SPAG17: variants seen among roughly 807,000 people sequenced by gnomAD.
The protein encoded by SPAG17 is sperm-associated antigen 17.
A neutral mutation model predicts 273.6 loss-of-function variants in SPAG17; 169 were observed. The ratio of observed to expected loss-of-function variants is 0.62; its 90% confidence interval spans 0.55 to 0.70. The LOEUF (loss-of-function observed/expected upper bound fraction) is 0.70. SPAG17 is among the 30% of genes least tolerant of loss of function. The pLI, the probability that SPAG17 is intolerant of heterozygous loss-of-function variation, is 0.00. For synonymous variants in SPAG17, 825 were observed against 873.2 expected, an observed-to-expected ratio of 0.94 and a Z score of 0.97; for missense variants, 2,557 against 2,627.8, an observed-to-expected ratio of 0.97 and a Z score of 0.59.
chr1:117,960,421 A>G (rs1392476338), intron 48 of SPAG17: 2 of 152,220 alleles, frequency 1.3e-5, no homozygotes, highest in African/African-American at 4.8e-5. Flanking sequence ...TGTGTTTATC[A>G]ATACTATAAG....
intron 27 of SPAG17, among the ~76,000 whole-genome samples, chr1:118,023,785 T>C (rs965608119): frequency 6.6e-6 from 1 of 152,206 alleles, no homozygotes; most frequent in African/African-American, 2.4e-5. Flanking sequence ...TCCTTTGCGA[T>C]TGGGAAATTA....
intron 3 of SPAG17, among the ~76,000 whole-genome samples, chr1:118,135,762 C>G (rs1165141408): frequency 6.6e-6 from 1 of 152,138 alleles, no homozygotes; most frequent in Non-Finnish European, 1.5e-5. Flanking sequence ...CACAGTGCAA[C>G]TGGAAATTTT....
At chr1:118,119,208 C>T (rs1425034426) in intron 3 of SPAG17, among the ~76,000 whole-genome samples, 1 of 152,210 alleles carries the variant, frequency 6.6e-6, no homozygotes, top group African/African-American at 2.4e-5. Context: ...AATGGACTCC[C>T]ATGAAGCCTG....
chr1:118,017,169 A>C (rs1660056522), intron 28 of SPAG17, among the ~76,000 whole-genome samples: 1 of 152,208 alleles, frequency 6.6e-6, no homozygotes, highest in African/African-American at 2.4e-5. Flanking sequence ...TTATACTTCT[A>C]GAATATTAGT....
intron 12 of SPAG17, among the ~76,000 whole-genome samples, chr1:118,086,426 GTGGTGGTAACAA>G (rs1436071253): frequency 6.6e-6 from 1 of 152,144 alleles, no homozygotes; most frequent in Admixed American, 6.5e-5. Context: ...TGAAAATTTA[GTGGTGGTAACAA>G]TTAATTGAAT....
At chr1:118,070,853 G>A (rs926064400) in intron 17 of SPAG17, among the ~76,000 whole-genome samples, 2 of 152,066 alleles carry the variant, frequency 1.3e-5, no homozygotes, top group Non-Finnish European at 2.9e-5. Flanking sequence ...ATCTCAATTT[G>A]GTCTAGATTC....
At chr1:117,966,879 C>G in intron 46 of SPAG17, 126 bp from the exon 47 acceptor site, 2 of 725,584 alleles carry the variant, frequency 2.8e-6, no homozygotes, top group Admixed American at 3.5e-5. Flanking sequence ...AAATTTGGCA[C>G]TAACAAATGG....
intron 4 of SPAG17, among the ~76,000 whole-genome samples, chr1:118,106,284 C>G (rs1438856908): frequency 6.6e-6 from 1 of 152,166 alleles, no homozygotes; most frequent in African/African-American, 2.4e-5. Context: ...TCCAAATATT[C>G]TATCTCGTCA....
chr1:117,995,893 A>G (rs943686267), intron 34 of SPAG17, among the ~76,000 whole-genome samples: 11 of 152,134 alleles, frequency 7.2e-5, no homozygotes, highest in Non-Finnish European at 1.3e-4. Context: ...TGATGAAAAC[A>G]ATGTAAGTAC....
intron 48 of SPAG17, chr1:117,959,610 C>A: frequency 1.5e-6 from 1 of 679,336 alleles, no homozygotes. Context: ...GGAATTCCAA[C>A]ATGAGATTAT....
chr1:118,158,766 T>C (rs114246038), intron 1 of SPAG17, among the ~76,000 whole-genome samples: 1 of 152,302 alleles, frequency 6.6e-6, no homozygotes, highest in African/African-American at 2.4e-5. Context: ...GATATATATA[T>C]ACACACCCAG....
At position 117,991,499 on chromosome 1, in the gene SPAG17, T is replaced by G; in HGVS notation, c.5391A>C (p.Glu1797Asp). The change falls in exon 37 of 49, where the codon GAA becomes GAC. Residue 1797 changes from glutamate (E) to aspartate (D), a missense_variant. Coordinates refer to ENST00000336338, the MANE Select transcript of SPAG17 (RefSeq NM_206996.4). ...KDYINYILKKEDELQEMMVKD... is the reference protein window; with the variant it reads ...KDYINYILKKDDELQEMMVKD... ...TAACCATCATTTCCTGCAGCTCATC[T>G]TCTTTCTTTAGAATATAGTTTATGT... The G allele has an allele frequency of 6.2e-7, 1 of 1,611,362 alleles. No individual in the cohort carries two copies. The highest frequency in any genetic ancestry group is 8.5e-7 in the Non-Finnish European group (1 of 1,177,912).
intron 1 of SPAG17, among the ~76,000 whole-genome samples, chr1:118,173,939 G>C (rs1316983042): frequency 6.6e-6 from 1 of 150,412 alleles, no homozygotes; most frequent in African/African-American, 2.5e-5. Context: ...AAGATTTTAA[G>C]CCTTTATCCT....
intron 1 of SPAG17, among the ~76,000 whole-genome samples, chr1:118,154,965 G>A (rs1659575219): frequency 6.6e-6 from 1 of 152,168 alleles, no homozygotes; most frequent in Admixed American, 6.5e-5. Flanking sequence ...ATCCAATGGT[G>A]AAGGAAGAGG....
chr1:118,059,167 A>C (rs2102017836), intron 18 of SPAG17, among the ~76,000 whole-genome samples: 1 of 152,262 alleles, frequency 6.6e-6, no homozygotes. Flanking sequence ...AGAATTGAAA[A>C]AGTTACAGAC....
At chr1:118,085,867 C>CAT in intron 13 of SPAG17, 55 bp downstream of exon 13, 1 of 1,482,128 alleles carries the variant, frequency 6.7e-7, no homozygotes, top group Non-Finnish European at 9.1e-7. Flanking sequence ...TTTTAAGAGG[C>CAT]ATATATGACC....
chr1:118,087,143 A>C, intron 10 of SPAG17, 135 bp from the exon 11 acceptor site: 1 of 910,598 alleles, frequency 1.1e-6, no homozygotes, highest in Non-Finnish European at 1.5e-6. Flanking sequence ...ATGACACAAA[A>C]TGGCAGGAAA....
chr1:118,087,567 C>T (rs1160301063), intron 10 of SPAG17, among the ~76,000 whole-genome samples: 1 of 152,194 alleles, frequency 6.6e-6, no homozygotes, highest in African/African-American at 2.4e-5. Flanking sequence ...GCCCAATCCT[C>T]ATTCTTTCTT....
chr1:118,005,459 T>C lies in SPAG17; in HGVS notation c.4731A>G (p.Ser1577=). 6.2e-7 allele frequency: 1 copy of C among 1,613,522 alleles called. No individual in the cohort carries two copies. The highest frequency in any genetic ancestry group is 1.3e-5 in the African/African-American group (1 of 75,036). Residue 1577 remains serine (S), a synonymous_variant, in exon 32 of 49, where the codon TCA becomes TCG. Transcript: ENST00000336338. ...RAGRYIMRHT[S]EVICEVLDPE... is the part of the protein sequence containing the mutation. ...GATCCAGAACCTCACAGATAACCTC[T>C]GAAGTATGCCTCATGATGTACCTGC...
Sources: gnomAD v4.1 joint callset for allele counts (sites outside exome capture counted in the v4.1 genomes callset) on GRCh38, gnomAD v4.1.1 for gene constraint, MANE v1.5 for transcripts, NCBI Gene and HGNC (gene_info 2026-07-23, HGNC 2026-07-21) for gene names.